EMP2: variants seen among roughly 807,000 people sequenced by gnomAD.
EMP2 encodes the protein epithelial membrane protein 2.
EMP2 carries 19 observed loss-of-function variants against 13.7 expected under a neutral mutation model. The ratio of observed to expected loss-of-function variants is 1.38; its 90% CI spans 0.97 to 2.03. The LOEUF (loss-of-function observed/expected upper bound fraction) is 2.03, where lower values mean the gene tolerates loss of function less well. Among genes scored for constraint, EMP2 ranks in the 30% most tolerant of loss-of-function variants. The pLI, the probability that EMP2 is intolerant of heterozygous loss-of-function variation, is 0.00. For missense variants in EMP2, 253 were observed against 220.7 expected, an observed-to-expected ratio of 1.15 and a Z score of -0.93; for synonymous variants, 97 against 84.7, an observed-to-expected ratio of 1.15 and a Z score of -0.80.
chr16:10,566,241 C>G (rs909577353), intron 1 of EMP2, among the ~76,000 whole-genome samples: 1 of 152,202 alleles, frequency 6.6e-6, no homozygotes, highest in Non-Finnish European at 1.5e-5. Context: ...CACTTTCTAA[C>G]ATAAATAAAT....
intron 3 of EMP2, among the ~76,000 whole-genome samples, chr16:10,538,798 C>A (rs1383160113): frequency 6.6e-6 from 1 of 152,026 alleles, no homozygotes; most frequent in Non-Finnish European, 1.5e-5. Flanking sequence ...GCCTCAGTTT[C>A]CTCACCTGTA....
chr16:10,568,149 A>G (rs1215908018), intron 1 of EMP2, among the ~76,000 whole-genome samples: 1 of 152,186 alleles, frequency 6.6e-6, no homozygotes, highest in African/African-American at 2.4e-5. Flanking sequence ...AGGGCACACC[A>G]TTGGGGCTTT....
At chr16:10,551,997 G>A (rs1042774145) in intron 1 of EMP2, among the ~76,000 whole-genome samples, 1 of 152,128 alleles carries the variant, frequency 6.6e-6, no homozygotes, top group African/African-American at 2.4e-5. Flanking sequence ...CAATTAGAAG[G>A]ACCCAATGAA....
intron 1 of EMP2, among the ~76,000 whole-genome samples, chr16:10,550,211 A>G (rs1314039817): frequency 1.3e-5 from 2 of 152,104 alleles, no homozygotes; most frequent in African/African-American, 4.8e-5. Context: ...TAACCACACT[A>G]TGATGATCAC....
intron 1 of EMP2, among the ~76,000 whole-genome samples, chr16:10,553,855 T>G (rs550510711): frequency 2.6e-5 from 4 of 152,192 alleles, no homozygotes; most frequent in Non-Finnish European, 5.9e-5. Flanking sequence ...CACATTGCAT[T>G]GATATATTTA....
intron 1 of EMP2, among the ~76,000 whole-genome samples, chr16:10,550,282 C>T (rs1427524006): frequency 6.6e-6 from 1 of 152,184 alleles, no homozygotes; most frequent in African/African-American, 2.4e-5. Flanking sequence ...AGTCAAATTT[C>T]CCCAATTAAC....
At chr16:10,579,174 C>T (rs963573173) in intron 1 of EMP2, among the ~76,000 whole-genome samples, 9 of 152,278 alleles carry the variant, frequency 5.9e-5, no homozygotes, top group African/African-American at 1.9e-4. Context: ...CCTCCAGCAG[C>T]TCAGGTCGCC....
intron 3 of EMP2, among the ~76,000 whole-genome samples, chr16:10,538,569 C>G (rs556251518): frequency 6.6e-6 from 1 of 152,254 alleles, no homozygotes; most frequent in African/African-American, 2.4e-5. Flanking sequence ...CTGATCTTCA[C>G]GGTCACTACT....
In EMP2 at chr16:10,540,875, C is replaced by G. The variant is rs538947394; in HGVS notation, c.169+2695G>C. On this transcript the variant is annotated intron_variant, in intron 3 of 4. Transcript: ENST00000359543. ...GGGTGAAGTGGGAGAATCGCTTGAG[C>G]TCAGGAGTTCAAGACCAGCATGGGC... Among the ~76,000 whole-genome samples, 137 of 152,118 alleles carry G rather than the reference C, an allele frequency of 9.0e-4. 1 individual carries two copies. The highest frequency in any genetic ancestry group is 2.9e-3 in the South Asian group (14 of 4,806).
intron 3 of EMP2, among the ~76,000 whole-genome samples, chr16:10,540,921 C>A (rs2142175021): frequency 6.6e-6 from 1 of 152,164 alleles, no homozygotes; most frequent in Admixed American, 6.5e-5. Context: ...AACCCTGTCT[C>A]TACAGAAAAT....
intron 1 of EMP2, among the ~76,000 whole-genome samples, chr16:10,569,917 A>C (rs2050935546): frequency 6.6e-6 from 1 of 152,192 alleles, no homozygotes. Context: ...AGCCAACTGC[A>C]GGAGGGAGAG....
intron 1 of EMP2, among the ~76,000 whole-genome samples, chr16:10,566,122 C>A (rs1334502667): frequency 6.6e-6 from 1 of 152,224 alleles, no homozygotes; most frequent in African/African-American, 2.4e-5. Flanking sequence ...AAGACCACAT[C>A]TGATTACCGG....
intron 1 of EMP2, among the ~76,000 whole-genome samples, chr16:10,552,035 C>CA (rs1463091017): frequency 6.6e-6 from 1 of 151,804 alleles, no homozygotes; most frequent in African/African-American, 2.4e-5. Flanking sequence ...CTAATTCTTT[C>CA]AAAAAAGACA....
intron 1 of EMP2, among the ~76,000 whole-genome samples, chr16:10,560,164 G>A (rs965168771): frequency 6.6e-6 from 1 of 152,142 alleles, no homozygotes; most frequent in Non-Finnish European, 1.5e-5. Context: ...GAGCTGATCA[G>A]GGATCTAGCA....
chr16:10,552,577 A>G (rs1190431733), intron 1 of EMP2, among the ~76,000 whole-genome samples: 2 of 152,244 alleles, frequency 1.3e-5, no homozygotes, highest in Non-Finnish European at 2.9e-5. Context: ...TTTGGTTAAA[A>G]TGTATTTGTA....
At chr16:10,534,603 T>C (rs1216114411) in intron 4 of EMP2, among the ~76,000 whole-genome samples, 3 of 151,866 alleles carry the variant, frequency 2.0e-5, no homozygotes, top group Middle Eastern at 6.8e-3. Context: ...TCACCTCTAC[T>C]AAAAACACAA....
intron 1 of EMP2, among the ~76,000 whole-genome samples, chr16:10,551,860 T>C (rs8047864): frequency 0.085 from 12,962 of 152,116 alleles, 1,166 homozygotes; most frequent in African/African-American, 0.22. Flanking sequence ...CCCCACGGAA[T>C]GGATCAAGGC....
chr16:10,575,333 A>T (rs866923232), intron 1 of EMP2, among the ~76,000 whole-genome samples: 12 of 132,144 alleles, frequency 9.1e-5, no homozygotes, highest in African/African-American at 3.4e-4. Flanking sequence ...GGCTCACTGC[A>T]AGCTCCGCCT....
rs540802206 is a variant in EMP2, at chr16:10,562,336, TTCTCTCTCTCTC to T, written c.-60-14671_-60-14660del. The stretch of plus-strand genomic sequence containing the variant: ...AAAGCCTCAAGAAGCCTCATGCATG[TTCTCTCTCTCTC>T]TCTCTCTCTCTCTCTCTCTCTCTCT... On this transcript the variant is annotated intron_variant, in intron 1 of 4. Transcript: ENST00000359543. Among the ~76,000 whole-genome samples the T allele has an allele frequency of 2.9e-3, 359 of 124,194 alleles. 2 individuals are homozygous for T. Among genetic ancestry groups the T allele is most frequent in the South Asian group, 8.7e-3 (30 of 3,450 alleles). 81.5% of individuals were successfully genotyped at this position (124,194 alleles called of 152,430 possible).
Sources: allele counts gnomAD v4.1 joint callset (sites outside exome capture counted in the v4.1 genomes callset), GRCh38; gene constraint gnomAD v4.1.1; transcripts MANE v1.5; gene names NCBI Gene and HGNC (gene_info 2026-07-23, HGNC 2026-07-21).